IMMP2L: variants seen among roughly 807,000 people sequenced by gnomAD.
IMMP2L encodes the protein inner mitochondrial membrane peptidase subunit 2.
Under a neutral mutation model 19.3 loss-of-function variants are expected in IMMP2L, and 18 were observed. That is an observed-to-expected ratio of 0.93 (90% CI 0.64 to 1.38). IMMP2L has a LOEUF of 1.38. Ranked by LOEUF, IMMP2L falls within the 40% of genes most tolerant of loss-of-function variation. The pLI, the probability that IMMP2L is intolerant of heterozygous loss-of-function variation, is 0.00. For missense variants in IMMP2L, 233 were observed against 218.2 expected, an observed-to-expected ratio of 1.07 and a Z score of -0.43; for synonymous variants, 76 against 73.0, an observed-to-expected ratio of 1.04 and a Z score of -0.21.
Position 111,521,396 on chromosome 7 carries a change from C to G in IMMP2L, c.52G>C (p.Gly18Arg). Residue 18 changes from glycine (G) to arginine (R), a missense_variant, in exon 2 of 6, where the codon GGC (glycine) becomes CGC (arginine). Coordinates refer to ENST00000405709, the MANE Select transcript of IMMP2L (RefSeq NM_032549.4). ...VKRYIKAFCK[G>R]FFVAVPVAVT... ...GCCACAGGCACCGCCACAAAGAAGC[C>G]TTTACAAAAGGCCTTGATGTATCTT... The G allele has an allele frequency of 6.2e-7, 1 of 1,613,214 alleles. No homozygotes were observed. The highest frequency in any genetic ancestry group is 8.5e-7 in the Non-Finnish European group (1 of 1,179,416).
At chr7:111,561,456 G>A in intron 1 of IMMP2L, among the ~76,000 whole-genome samples, 1 of 152,128 alleles carries the variant, frequency 6.6e-6, no homozygotes, top group East Asian at 1.9e-4. Context: ...GGGGGTTACT[G>A]TTCATTATCA....
At chr7:111,235,937 C>A (rs1454106123) in intron 3 of IMMP2L, among the ~76,000 whole-genome samples, 1 of 151,998 alleles carries the variant, frequency 6.6e-6, no homozygotes, top group African/African-American at 2.4e-5. Flanking sequence ...TCATTAATTT[C>A]TTTCTTTGTA....
chr7:111,038,534 C>A (rs997845016), intron 3 of IMMP2L, among the ~76,000 whole-genome samples: 1 of 152,088 alleles, frequency 6.6e-6, no homozygotes, highest in Non-Finnish European at 1.5e-5. Flanking sequence ...ATGCACTGAG[C>A]GGTCACAATA....
intron 3 of IMMP2L, among the ~76,000 whole-genome samples, chr7:111,280,717 C>G (rs1584425640): frequency 6.6e-6 from 1 of 152,198 alleles, no homozygotes; most frequent in East Asian, 1.9e-4. Context: ...TTACTAAAAA[C>G]TTAGTAATAA....
chr7:110,988,651 T>C (rs1380211214), intron 3 of IMMP2L, among the ~76,000 whole-genome samples: 1 of 152,118 alleles, frequency 6.6e-6, no homozygotes, highest in Non-Finnish European at 1.5e-5. Context: ...TCTATATACA[T>C]GCCCAGATTC....
chr7:111,254,194 C>T (rs1436584705), intron 3 of IMMP2L, among the ~76,000 whole-genome samples: 1 of 151,886 alleles, frequency 6.6e-6, no homozygotes, highest in Non-Finnish European at 1.5e-5. Flanking sequence ...AGAGAAAAGA[C>T]TTAAAATGTA....
intron 3 of IMMP2L, among the ~76,000 whole-genome samples, chr7:111,333,787 C>T (rs1047612578): frequency 6.6e-6 from 1 of 152,116 alleles, no homozygotes; most frequent in African/African-American, 2.4e-5. Flanking sequence ...TGCCCTTGAA[C>T]ATTGGACTCC....
rs369421500 is a variant in IMMP2L, at chr7:110,838,674, C to A, written c.408+47919G>T. On this transcript the variant is annotated intron_variant, in intron 5 of 5. Transcript: ENST00000405709. ...ACCAGATGTGACAACTCAACCTTGG[C>A]CTTCTCAGCCTTCATAACTATAATA... 1.5e-4 allele frequency among the ~76,000 whole-genome samples: 23 copies of A among 152,170 alleles called. 1 individual carries two copies. The highest frequency in any genetic ancestry group is 9.7e-4 in the East Asian group (5 of 5,166).
intron 3 of IMMP2L, among the ~76,000 whole-genome samples, chr7:111,084,683 G>T (rs1286036402): frequency 6.6e-6 from 1 of 152,184 alleles, no homozygotes; most frequent in Non-Finnish European, 1.5e-5. Flanking sequence ...CAAGCATGAA[G>T]ATGACTTAGG....
chr7:111,444,843 T>C (rs1184379728), intron 3 of IMMP2L, among the ~76,000 whole-genome samples: 1 of 152,154 alleles, frequency 6.6e-6, no homozygotes, highest in Non-Finnish European at 1.5e-5. Context: ...TATGCCCCTC[T>C]AATTACAGTA....
At chr7:110,815,737 T>A (rs1802446099) in intron 5 of IMMP2L, among the ~76,000 whole-genome samples, 1 of 152,194 alleles carries the variant, frequency 6.6e-6, no homozygotes, top group Non-Finnish European at 1.5e-5. Context: ...CTTCTAGATT[T>A]TCTAGTTTAT....
chr7:111,258,704 C>A (rs376293636), intron 3 of IMMP2L, among the ~76,000 whole-genome samples: 1 of 151,892 alleles, frequency 6.6e-6, no homozygotes, highest in Admixed American at 6.6e-5. Context: ...TGGGGTTGCG[C>A]CATGTTGGCC....
At chr7:111,304,820 T>A (rs528263347) in intron 3 of IMMP2L, among the ~76,000 whole-genome samples, 1 of 151,244 alleles carries the variant, frequency 6.6e-6, no homozygotes, top group African/African-American at 2.4e-5. Context: ...GAAGGGAAAT[T>A]TAAGAAAGTT....
intron 3 of IMMP2L, among the ~76,000 whole-genome samples, chr7:111,044,079 C>A (rs142881759): frequency 6.6e-6 from 1 of 152,294 alleles, no homozygotes; most frequent in Non-Finnish European, 1.5e-5. Flanking sequence ...TTCTCTGAAC[C>A]ATTTTCAGTA....
At position 110,972,381 on chromosome 7, in the gene IMMP2L, A is replaced by C. The variant is rs115293636; in HGVS notation, c.240-8816T>G. ...TGATAGTTTGTCAATGCTTTAACCTAAATAATACTAAAATTAAATTAAATA... is the reference window on the plus strand; with the variant it reads ...TGATAGTTTGTCAATGCTTTAACCTCAATAATACTAAAATTAAATTAAATA... On this transcript the variant is annotated intron_variant, in intron 3 of 5. Transcript: ENST00000405709. Among the ~76,000 whole-genome samples the C allele has an allele frequency of 4.3e-3, 649 of 152,188 alleles. 4 individuals carry two copies. Among genetic ancestry groups the C allele is most frequent in the African/African-American group, 0.015 (626 of 41,546 alleles).
chr7:110,985,638 A>G (rs569898520), intron 3 of IMMP2L, among the ~76,000 whole-genome samples: 4 of 152,196 alleles, frequency 2.6e-5, no homozygotes, highest in African/African-American at 4.8e-5. Context: ...TTTTATAGAA[A>G]TAAACTCCAT....
At chr7:111,558,027 T>C (rs1034045943) in intron 1 of IMMP2L, among the ~76,000 whole-genome samples, 1 of 151,532 alleles carries the variant, frequency 6.6e-6, no homozygotes, top group African/African-American at 2.4e-5. Context: ...AAAAATATGG[T>C]TATTCAGGTA....
At position 110,735,846 on chromosome 7, in the gene IMMP2L, CAAAAAAAA is replaced by C. The variant is rs59078426; in HGVS notation, c.409-72133_409-72126del. ...TGGGTGACAGAGTCTCACTCTGCCT[CAAAAAAAA>C]AAAAAAAAAAAAAAAAGGAATGAAA... On this transcript the variant is annotated intron_variant, in intron 5 of 5. Transcript: ENST00000405709. 1.6e-3 allele frequency among the ~76,000 whole-genome samples: 75 copies of C among 47,632 alleles called. 1 individual carries two copies. The East Asian group carries it at 0.062, about 40-fold the overall frequency. The allele number at this position is 47,632 out of a possible 152,430, so 31.2% of individuals were successfully genotyped here. A position where few individuals can be genotyped will look rare whatever the true frequency, so the allele number is the denominator to read the frequency against.
At chr7:110,833,439 C>CA (rs66826955) in intron 5 of IMMP2L, among the ~76,000 whole-genome samples, 43,448 of 114,566 alleles carry the variant, frequency 0.38, 9,117 homozygotes, top group East Asian at 0.66. Context: ...AACTTCGTCT[C>CA]AAAAAAAAAA....
Sources: allele counts gnomAD v4.1 joint callset (sites outside exome capture counted in the v4.1 genomes callset), GRCh38; gene constraint gnomAD v4.1.1; transcripts MANE v1.5; gene names NCBI Gene and HGNC (gene_info 2026-07-23, HGNC 2026-07-21).